ASTN2: variants seen among roughly 807,000 people sequenced by gnomAD.
ASTN2 encodes the protein astrotactin 2, also known as astrotactin-2.
Under a neutral mutation model 139.8 loss-of-function variants are expected in ASTN2, and 54 were observed. The observed-to-expected ratio is 0.39, with a 90% CI of 0.31 to 0.48. The LOEUF (loss-of-function observed/expected upper bound fraction) is 0.48, where lower values mean the gene tolerates loss of function less well. Ranked by LOEUF, ASTN2 falls within the 20% of genes least tolerant of loss-of-function variation. The pLI, the probability that ASTN2 is intolerant of heterozygous loss-of-function variation, is 0.95. For missense variants in ASTN2, 1,565 were observed against 1,725.1 expected, an observed-to-expected ratio of 0.91 and a Z score of 1.64; for synonymous variants, 756 against 719.5, an observed-to-expected ratio of 1.05 and a Z score of -0.81.
At chr9:116,945,427 C>T (rs913701439) in intron 10 of ASTN2, among the ~76,000 whole-genome samples, 3 of 152,096 alleles carry the variant, frequency 2.0e-5, no homozygotes, top group African/African-American at 4.8e-5. Context: ...GCCTTTTAAC[C>T]TAAAGGCTAT....
At chr9:116,877,822 G>A (rs1017122995) in intron 10 of ASTN2, among the ~76,000 whole-genome samples, 8 of 151,988 alleles carry the variant, frequency 5.3e-5, no homozygotes, top group African/African-American at 1.9e-4. Context: ...TGACCATTTA[G>A]TCATAGAAAT....
chr9:116,958,831 C>G (rs889342769), intron 10 of ASTN2, among the ~76,000 whole-genome samples: 5 of 152,000 alleles, frequency 3.3e-5, no homozygotes, highest in Non-Finnish European at 7.4e-5. Context: ...ACAGCAGGTG[C>G]AAGCAGGGGG....
chr9:116,925,864 AC>A (rs1564343679), intron 10 of ASTN2, among the ~76,000 whole-genome samples: 6 of 38,464 alleles, frequency 1.6e-4, no homozygotes, highest in African/African-American at 3.4e-4. Context: ...ACAACACAAC[AC>A]ACACACACAC....
At chr9:117,004,281 G>A (rs1319855979) in intron 7 of ASTN2, among the ~76,000 whole-genome samples, 2 of 151,978 alleles carry the variant, frequency 1.3e-5, no homozygotes, top group African/African-American at 4.8e-5. Flanking sequence ...CACCATGCCT[G>A]GCTAATTTTC....
intron 20 of ASTN2, among the ~76,000 whole-genome samples, chr9:116,481,865 G>C (rs1849179827): frequency 6.6e-6 from 1 of 152,136 alleles, no homozygotes; most frequent in East Asian, 1.9e-4. Context: ...TACCTCACCA[G>C]GTGCTTTGAA....
chr9:117,103,375 T>C (rs1829028529), intron 4 of ASTN2, among the ~76,000 whole-genome samples: 1 of 152,204 alleles, frequency 6.6e-6, no homozygotes, highest in East Asian at 1.9e-4. Context: ...ATTTAAAGCC[T>C]TCCCCTAGAT....
chr9:116,803,670 G>A (rs1190739864), intron 13 of ASTN2, among the ~76,000 whole-genome samples: 1 of 150,466 alleles, frequency 6.6e-6, no homozygotes, highest in Non-Finnish European at 1.5e-5. Flanking sequence ...GACTACAGGC[G>A]CCTGCCACTA....
At chr9:116,748,246 G>A (rs894208) in intron 13 of ASTN2, among the ~76,000 whole-genome samples, 84,439 of 152,060 alleles carry the variant, frequency 0.56, 24,289 homozygotes, top group Admixed American at 0.66. Flanking sequence ...AACACAAATT[G>A]AAACCTAAAG....
chr9:116,920,473 T>C (rs1293506585), intron 10 of ASTN2, among the ~76,000 whole-genome samples: 1 of 152,126 alleles, frequency 6.6e-6, no homozygotes, highest in Non-Finnish European at 1.5e-5. Flanking sequence ...TCAAAAAAAA[T>C]CCTGGGTCAG....
intron 11 of ASTN2, among the ~76,000 whole-genome samples, chr9:116,827,811 C>G (rs920303164): frequency 6.6e-5 from 10 of 152,054 alleles, no homozygotes; most frequent in African/African-American, 2.4e-4. Flanking sequence ...TACCAAACAT[C>G]CAAAGAAAAC....
intron 3 of ASTN2, among the ~76,000 whole-genome samples, chr9:117,170,038 A>AT (rs1830755375): frequency 6.6e-6 from 1 of 152,136 alleles, no homozygotes; most frequent in Non-Finnish European, 1.5e-5. Flanking sequence ...TCATCTCTTC[A>AT]TGACACAGGT....
intron 19 of ASTN2, among the ~76,000 whole-genome samples, chr9:116,553,479 C>A (rs189132866): frequency 2.1e-4 from 32 of 152,216 alleles, no homozygotes; most frequent in Non-Finnish European, 3.5e-4. Context: ...TGCACAGAAA[C>A]GATGTGTCCA....
At chr9:117,181,031 G>A in intron 3 of ASTN2, 2 of 1,562,214 alleles carry the variant, frequency 1.3e-6, no homozygotes, top group Non-Finnish European at 1.7e-6. Context: ...CACTGGGGTA[G>A]CGCAAGGTCA....
At position 116,931,151 on chromosome 9, in the gene ASTN2, G is replaced by C. The variant is rs556326509; in HGVS notation, c.1889+44057C>G. 2.6e-5 allele frequency among the ~76,000 whole-genome samples: 4 copies of C among 152,304 alleles called. No homozygotes were observed. The South Asian group carries it at 8.3e-4, about 32-fold the overall frequency. On this transcript the variant is annotated intron_variant, in intron 10 of 22. Coordinates refer to ENST00000313400, the MANE Select transcript of ASTN2 (RefSeq NM_001365068.1). Reference sequence around the variant, plus strand: ...CTCTAGAACAGGGCATCAACCTGCTGTGACGTACCTGGCAGGGTTCTGATC... The same window carrying C: ...CTCTAGAACAGGGCATCAACCTGCTCTGACGTACCTGGCAGGGTTCTGATC...
At chr9:117,286,189 G>A (rs1432115501) in intron 2 of ASTN2, among the ~76,000 whole-genome samples, 1 of 151,844 alleles carries the variant, frequency 6.6e-6, no homozygotes. Flanking sequence ...CTATGCAAAA[G>A]TGAAATATAT....
chr9:116,811,003 T>A (rs1831150867), intron 12 of ASTN2, among the ~76,000 whole-genome samples: 1 of 152,210 alleles, frequency 6.6e-6, no homozygotes, highest in Admixed American at 6.5e-5. Context: ...GTGTTCTCAT[T>A]AAATTTCTTT....
At chr9:117,243,629 AC>A (rs1189122222) in intron 2 of ASTN2, among the ~76,000 whole-genome samples, 2 of 152,186 alleles carry the variant, frequency 1.3e-5, no homozygotes, top group African/African-American at 4.8e-5. Context: ...TCATAACGTC[AC>A]TTGGCTCGAA....
At chr9:117,045,991 C>CGTATGTAT (rs57186974) in intron 5 of ASTN2, among the ~76,000 whole-genome samples, 33 of 143,070 alleles carry the variant, frequency 2.3e-4, no homozygotes, top group African/African-American at 8.1e-4. Flanking sequence ...TACGTACGTA[C>CGTATGTAT]GTATGTATGT....
chr9:116,860,979 C>T lies in ASTN2; in HGVS notation c.2040+2604G>A, dbSNP rs115631426. 6.7e-3 allele frequency among the ~76,000 whole-genome samples: 1,015 copies of T among 152,202 alleles called. 9 individuals carry two copies. Among genetic ancestry groups the T allele is most frequent in the African/African-American group, 0.021 (869 of 41,528 alleles). On this transcript the variant is annotated intron_variant, in intron 11 of 22. Transcript: ENST00000313400. ...AAGGGATTTAAAATCTCAGCATAAA[C>T]GTGGTATTTCCCTGTCTATTCTGAA... is the stretch of plus-strand genomic sequence containing the variant.
Sources: allele counts gnomAD v4.1 joint callset (sites outside exome capture counted in the v4.1 genomes callset), GRCh38; gene constraint gnomAD v4.1.1; transcripts MANE v1.5; gene names NCBI Gene and HGNC (gene_info 2026-07-23, HGNC 2026-07-21).